RGS7BP: variants seen among roughly 807,000 people sequenced by gnomAD.
RGS7BP encodes regulator of G protein signaling 7 binding protein.
RGS7BP carries 9 observed loss-of-function variants against 31.3 expected under a neutral mutation model. That is an observed-to-expected ratio of 0.29 (90% CI 0.17 to 0.50). RGS7BP has a LOEUF of 0.50. Among genes scored for constraint, RGS7BP ranks in the 20% least tolerant of loss-of-function variants. RGS7BP has a pLI of 0.98. For synonymous variants in RGS7BP, 115 were observed against 120.1 expected (o/e 0.96, Z 0.28); for missense variants, 274 against 322.0 (o/e 0.85, Z 1.14).
At chr5:64,530,430 C>A (rs1749340817) in intron 2 of RGS7BP, among the ~76,000 whole-genome samples, 1 of 152,192 alleles carries the variant, frequency 6.6e-6, no homozygotes, top group African/African-American at 2.4e-5. Flanking sequence ...TAAAAATAAT[C>A]TCACATTGTC....
At chr5:64,511,625 C>G (rs986590595) in intron 2 of RGS7BP, among the ~76,000 whole-genome samples, 1 of 152,158 alleles carries the variant, frequency 6.6e-6, no homozygotes. Flanking sequence ...ACTTCCTTCT[C>G]AAAGTGACTT....
chr5:64,514,460 C>T (rs1748919600), intron 2 of RGS7BP, among the ~76,000 whole-genome samples: 1 of 152,168 alleles, frequency 6.6e-6, no homozygotes, highest in South Asian at 2.1e-4. Context: ...TATACTCTCT[C>T]CACACTTTCA....
intron 3 of RGS7BP, among the ~76,000 whole-genome samples, chr5:64,589,924 C>CAAA (rs77321289): frequency 9.6e-6 from 1 of 104,406 alleles, no homozygotes; most frequent in African/African-American, 3.5e-5. Flanking sequence ...GACCCTGACT[C>CAAA]AAAAAAAAAA....
intron 2 of RGS7BP, among the ~76,000 whole-genome samples, chr5:64,523,902 C>A (rs988481096): frequency 1.3e-5 from 2 of 152,170 alleles, no homozygotes; most frequent in African/African-American, 2.4e-5. Context: ...TACTCTCTTG[C>A]ATCAAACAGG....
chr5:64,560,614 A>C (rs1398142447), intron 2 of RGS7BP, among the ~76,000 whole-genome samples: 2 of 151,740 alleles, frequency 1.3e-5, no homozygotes, highest in South Asian at 4.2e-4. Context: ...TTAATTTTTT[A>C]TTTATAGAAA....
intron 2 of RGS7BP, among the ~76,000 whole-genome samples, chr5:64,517,001 G>T (rs1401092914): frequency 2.0e-5 from 3 of 146,538 alleles, no homozygotes; most frequent in Non-Finnish European, 4.5e-5. Flanking sequence ...AGACACCAGG[G>T]TTTATTCTCG....
At chr5:64,541,485 A>C (rs1240024741) in intron 2 of RGS7BP, among the ~76,000 whole-genome samples, 1 of 152,230 alleles carries the variant, frequency 6.6e-6, no homozygotes, top group Non-Finnish European at 1.5e-5. Context: ...CCTGCACAGC[A>C]GTTTCTCTCT....
intron 2 of RGS7BP, among the ~76,000 whole-genome samples, chr5:64,508,949 A>G (rs890479319): frequency 1.4e-4 from 22 of 152,224 alleles, no homozygotes; most frequent in Non-Finnish European, 1.5e-5. Flanking sequence ...TAATTACTTT[A>G]CATTTGACCA....
intron 3 of RGS7BP, among the ~76,000 whole-genome samples, chr5:64,588,506 G>A (rs1022405006): frequency 1.3e-5 from 2 of 152,090 alleles, no homozygotes; most frequent in African/African-American, 4.8e-5. Flanking sequence ...GTAGTGTTTG[G>A]CCCTTTTGCT....
At chr5:64,561,403 C>T (rs934543213) in intron 2 of RGS7BP, among the ~76,000 whole-genome samples, 2 of 152,120 alleles carry the variant, frequency 1.3e-5, no homozygotes, top group Non-Finnish European at 2.9e-5. Context: ...GAGCACTCTG[C>T]CCTGGTAATG....
chr5:64,552,667 C>G (rs1741823966), intron 2 of RGS7BP, among the ~76,000 whole-genome samples: 1 of 152,164 alleles, frequency 6.6e-6, no homozygotes, highest in South Asian at 2.1e-4. Flanking sequence ...TAGATTGTGG[C>G]TTTCTGGCCT....
chr5:64,591,974 G>A (rs1742929997), intron 3 of RGS7BP, among the ~76,000 whole-genome samples: 1 of 152,078 alleles, frequency 6.6e-6, no homozygotes, highest in South Asian at 2.1e-4. Flanking sequence ...GTGGGGCTGG[G>A]AACAGCAAAC....
intron 2 of RGS7BP, among the ~76,000 whole-genome samples, chr5:64,529,362 C>T (rs1325043293): frequency 1.3e-5 from 2 of 152,168 alleles, no homozygotes; most frequent in Non-Finnish European, 2.9e-5. Flanking sequence ...ATATTCACCT[C>T]ATATAATGAC....
At chr5:64,535,843 T>C (rs1161970391) in intron 2 of RGS7BP, among the ~76,000 whole-genome samples, 2 of 152,220 alleles carry the variant, frequency 1.3e-5, no homozygotes, top group Non-Finnish European at 2.9e-5. Context: ...AGGAGCAGCT[T>C]AATATCAGCT....
intron 3 of RGS7BP, among the ~76,000 whole-genome samples, chr5:64,585,050 A>G (rs1282761552): frequency 6.6e-6 from 1 of 152,200 alleles, no homozygotes; most frequent in African/African-American, 2.4e-5. Context: ...ATGAAAATGC[A>G]TGAGAATTAG....
intron 2 of RGS7BP, among the ~76,000 whole-genome samples, chr5:64,512,471 C>T (rs138868371): frequency 4.3e-4 from 65 of 152,168 alleles, no homozygotes; most frequent in African/African-American, 1.5e-3. Flanking sequence ...AGTATGAAGT[C>T]GGGCAAAGAT....
At chr5:64,583,814 C>G (rs1240511882) in intron 3 of RGS7BP, among the ~76,000 whole-genome samples, 1 of 152,230 alleles carries the variant, frequency 6.6e-6, no homozygotes, top group Admixed American at 6.5e-5. Flanking sequence ...TTCTTCTACT[C>G]TATCTCCATG....
chr5:64,542,681 C>T lies in RGS7BP; in HGVS notation c.333-33093C>T, dbSNP rs1741556148. Among the ~76,000 whole-genome samples the T allele has an allele frequency of 2.0e-5, 3 of 152,124 alleles. No individual in the cohort carries two copies. The South Asian group carries it at 6.2e-4, about 32-fold the overall frequency. ...AGGGCTGCTGTTAACCCTTTGTGTTCCATGTGGACATGGCTTGATTTACCA... is the reference window on the plus strand; with the variant it reads ...AGGGCTGCTGTTAACCCTTTGTGTTTCATGTGGACATGGCTTGATTTACCA... On this transcript the variant is annotated intron_variant, in intron 2 of 5. Transcript: ENST00000334025.
intron 2 of RGS7BP, among the ~76,000 whole-genome samples, chr5:64,557,562 G>C (rs534554792): frequency 1.3e-5 from 2 of 152,268 alleles, no homozygotes; most frequent in South Asian, 2.1e-4. Context: ...CTTTTTATCA[G>C]CTGTAGGCAT....
Sources: gnomAD v4.1 joint callset for allele counts (sites outside exome capture counted in the v4.1 genomes callset) on GRCh38, gnomAD v4.1.1 for gene constraint, MANE v1.5 for transcripts, NCBI Gene and HGNC (gene_info 2026-07-23, HGNC 2026-07-21) for gene names.